ZNF385D: variants seen among roughly 807,000 people sequenced by gnomAD.
ZNF385D encodes zinc finger protein 385D.
A neutral mutation model predicts 35.8 loss-of-function variants in ZNF385D; 15 were observed. The ratio of observed to expected loss-of-function variants is 0.42; its 90% confidence interval spans 0.28 to 0.64. The LOEUF (loss-of-function observed/expected upper bound fraction) is 0.64. ZNF385D is among the 30% of genes least tolerant of loss of function. The pLI, the probability that ZNF385D is intolerant of heterozygous loss-of-function variation, is 0.23. For missense variants in ZNF385D, 474 were observed against 494.6 expected, an observed-to-expected ratio of 0.96 and a Z score of 0.39; for synonymous variants, 212 against 186.8, an observed-to-expected ratio of 1.13 and a Z score of -1.10.
chr3:21,673,859 A>G (rs1390219735), intron 1 of ZNF385D, among the ~76,000 whole-genome samples: 1 of 152,116 alleles, frequency 6.6e-6, no homozygotes, highest in Non-Finnish European at 1.5e-5. Flanking sequence ...ATTTCTGCCA[A>G]CAAATTGTGT....
intron 2 of ZNF385D, among the ~76,000 whole-genome samples, chr3:22,220,053 T>C (rs1698156636): frequency 6.6e-6 from 1 of 151,692 alleles, no homozygotes; most frequent in Non-Finnish European, 1.5e-5. Flanking sequence ...TTCTATTTTC[T>C]TTCTTCCTTT....
chr3:22,013,609 A>G (rs1696707898), intron 3 of ZNF385D, among the ~76,000 whole-genome samples: 1 of 152,166 alleles, frequency 6.6e-6, no homozygotes, highest in Non-Finnish European at 1.5e-5. Flanking sequence ...AATCAAGTCG[A>G]CCACTAGGAT....
intron 2 of ZNF385D, among the ~76,000 whole-genome samples, chr3:22,282,653 T>C (rs952730232): frequency 6.6e-6 from 1 of 152,078 alleles, no homozygotes; most frequent in Non-Finnish European, 1.5e-5. Flanking sequence ...GGGCCTATCA[T>C]GTGATCTGTC....
At chr3:22,152,690 T>C (rs1451131991) in intron 3 of ZNF385D, among the ~76,000 whole-genome samples, 1 of 152,184 alleles carries the variant, frequency 6.6e-6, no homozygotes, top group Non-Finnish European at 1.5e-5. Context: ...CCATTTTTCC[T>C]ACCCAGATAA....
chr3:22,283,163 C>A (rs920536093), intron 2 of ZNF385D, among the ~76,000 whole-genome samples: 11 of 152,060 alleles, frequency 7.2e-5, no homozygotes, highest in Admixed American at 2.0e-4. Flanking sequence ...GCACATAACA[C>A]TTGAGCTCCC....
At chr3:22,303,370 A>G (rs1033987032) in intron 2 of ZNF385D, among the ~76,000 whole-genome samples, 2 of 151,780 alleles carry the variant, frequency 1.3e-5, no homozygotes. Context: ...TCTTGCCACT[A>G]CTCTGTTCCC....
At chr3:21,918,071 G>A (rs1389531221) in intron 3 of ZNF385D, among the ~76,000 whole-genome samples, 1 of 152,170 alleles carries the variant, frequency 6.6e-6, no homozygotes, top group Non-Finnish European at 1.5e-5. Flanking sequence ...TTTGCAAGCT[G>A]GAATATTCGA....
At chr3:22,089,986 G>A (rs1018260544) in intron 3 of ZNF385D, among the ~76,000 whole-genome samples, 5 of 152,022 alleles carry the variant, frequency 3.3e-5, no homozygotes, top group South Asian at 2.1e-4. Context: ...CTACAGGCGC[G>A]TGCCACCATG....
chr3:21,455,141 G>A (rs911375074), intron 4 of ZNF385D, among the ~76,000 whole-genome samples: 5 of 152,118 alleles, frequency 3.3e-5, no homozygotes, highest in African/African-American at 4.8e-5. Context: ...AATCAATATC[G>A]TGAAAATGGC....
At chr3:21,966,460 G>A (rs971588322) in intron 3 of ZNF385D, among the ~76,000 whole-genome samples, 1 of 152,116 alleles carries the variant, frequency 6.6e-6, no homozygotes, top group African/African-American at 2.4e-5. Flanking sequence ...GGACTGGTTT[G>A]GATTCATCAC....
At chr3:21,753,789 T>TG (rs201139989), upstream of ZNF385D, among the ~76,000 whole-genome samples, 21,155 of 124,524 alleles carry the variant, frequency 0.17, 1,700 homozygotes, top group East Asian at 0.38. Context: ...GTTGTTGTTG[T>TG]TGTGTGTGTG....
rs191010932 is a variant in ZNF385D, at chr3:21,757,553, T to C, written c.326-92525A>G. On this transcript the variant is annotated intron_variant, in intron 3 of 5. Coordinates refer to the ZNF385D transcript ENST00000494108. ...CCAGAAATCTTAACCTTGGAGGTGG[T>C]TGTGGAATAGCAATGTTTATTGACT... is the stretch of plus-strand genomic sequence containing the variant. 8.9e-4 allele frequency among the ~76,000 whole-genome samples: 135 copies of C among 152,240 alleles called. 1 individual carries two copies. Among genetic ancestry groups the C allele is most frequent in the African/African-American group, 3.2e-3 (131 of 41,528 alleles).
chr3:22,021,686 C>G (rs943839189), intron 3 of ZNF385D, among the ~76,000 whole-genome samples: 5 of 151,966 alleles, frequency 3.3e-5, no homozygotes, highest in African/African-American at 1.2e-4. Context: ...CTCAAATCAA[C>G]TAGGGGTACT....
intron 3 of ZNF385D, among the ~76,000 whole-genome samples, chr3:21,838,687 G>A (rs1322596182): frequency 6.6e-6 from 1 of 152,014 alleles, no homozygotes; most frequent in East Asian, 1.9e-4. Flanking sequence ...ATGAGCCCTA[G>A]CTAGAAACCC....
chr3:21,728,562 C>G (rs923921247), intron 1 of ZNF385D, among the ~76,000 whole-genome samples: 9 of 152,020 alleles, frequency 5.9e-5, no homozygotes, highest in African/African-American at 2.2e-4. Context: ...CAATAGAAAC[C>G]CTACAACTTT....
chr3:22,006,033 G>A (rs1696176562), intron 3 of ZNF385D, among the ~76,000 whole-genome samples: 1 of 151,958 alleles, frequency 6.6e-6, no homozygotes, highest in South Asian at 2.1e-4. Context: ...AATGTAAAAA[G>A]AAAGAATAGC....
intron 3 of ZNF385D, among the ~76,000 whole-genome samples, chr3:21,881,891 T>G (rs1698295752): frequency 6.6e-6 from 1 of 152,002 alleles, no homozygotes; most frequent in Admixed American, 6.6e-5. Context: ...AGGAAGTAAC[T>G]GCATATGTGA....
chr3:21,467,106 A>G (rs980564977), intron 4 of ZNF385D, among the ~76,000 whole-genome samples: 2 of 152,218 alleles, frequency 1.3e-5, no homozygotes, highest in African/African-American at 4.8e-5. Context: ...CCCCCCATCA[A>G]TGTGCTTATG....
chr3:22,287,018 A>G (rs1008191077), intron 2 of ZNF385D, among the ~76,000 whole-genome samples: 2 of 150,570 alleles, frequency 1.3e-5, no homozygotes, highest in Non-Finnish European at 2.9e-5. Flanking sequence ...CTATCCCTTC[A>G]TATATTTTAA....
Sources: allele counts gnomAD v4.1 joint callset (sites outside exome capture counted in the v4.1 genomes callset), GRCh38; gene constraint gnomAD v4.1.1; transcripts MANE v1.5; gene names NCBI Gene and HGNC (gene_info 2026-07-23, HGNC 2026-07-21).